The following MYT1L variants were observed in gnomAD, a reference collection of about 807,000 sequenced individuals.
The protein encoded by MYT1L is myelin transcription factor 1 like, also known as myelin transcription factor 1-like protein.
Under a neutral mutation model 126.7 loss-of-function variants are expected in MYT1L, and 12 were observed. That is an observed-to-expected ratio of 0.09 (90% CI 0.06 to 0.15). The LOEUF is 0.15. Ranked by LOEUF, MYT1L falls within the 10% of genes least tolerant of loss-of-function variation. The pLI is 1.00. For synonymous variants in MYT1L, 541 were observed against 604.2 expected, an observed-to-expected ratio of 0.90 and a Z score of 1.53; for missense variants, 979 against 1,585.2, an observed-to-expected ratio of 0.62 and a Z score of 6.49.
chr2:1,859,700 G>A (rs772555448), intron 18 of MYT1L, among the ~76,000 whole-genome samples: 25 of 152,234 alleles, frequency 1.6e-4, no homozygotes, highest in Non-Finnish European at 8.8e-5. Context: ...GATTTACACC[G>A]TGGCTTGCGG....
At chr2:2,010,672 CA>C (rs1421978113) in intron 4 of MYT1L, among the ~76,000 whole-genome samples, 1 of 152,184 alleles carries the variant, frequency 6.6e-6, no homozygotes, top group Non-Finnish European at 1.5e-5. Flanking sequence ...ATCTTCTATG[CA>C]ATGGCTTTGT....
At chr2:2,169,918 G>C (rs2089764329) in intron 3 of MYT1L, among the ~76,000 whole-genome samples, 1 of 152,166 alleles carries the variant, frequency 6.6e-6, no homozygotes, top group Admixed American at 6.5e-5. Context: ...CAGTTTTCAG[G>C]ATGATATTTC....
intron 22 of MYT1L, among the ~76,000 whole-genome samples, chr2:1,803,564 C>A (rs910097465): frequency 1.3e-5 from 2 of 152,226 alleles, no homozygotes; most frequent in Non-Finnish European, 2.9e-5. Context: ...AAATAAAAGT[C>A]TTGATACGGG....
chr2:2,056,882 G>A (rs72767357), intron 3 of MYT1L, among the ~76,000 whole-genome samples: 6,378 of 152,306 alleles, frequency 0.042, 203 homozygotes, highest in Non-Finnish European at 0.065. Flanking sequence ...AAATGAGAAT[G>A]AGTGGGTTTT....
At chr2:1,831,131 G>C (rs1029098610) in intron 21 of MYT1L, among the ~76,000 whole-genome samples, 1 of 148,316 alleles carries the variant, frequency 6.7e-6, no homozygotes, top group African/African-American at 2.5e-5. Flanking sequence ...AACCCCACTC[G>C]GGTGCCCGAC....
chr2:1,820,872 T>C (rs1558652984), intron 21 of MYT1L, among the ~76,000 whole-genome samples: 1 of 152,100 alleles, frequency 6.6e-6, no homozygotes, highest in Non-Finnish European at 1.5e-5. Context: ...AAGGAGATTA[T>C]TCTCAATACT....
chr2:2,312,590 G>T (rs1367222513), intron 1 of MYT1L, among the ~76,000 whole-genome samples: 1 of 152,084 alleles, frequency 6.6e-6, no homozygotes, highest in Admixed American at 6.6e-5. Context: ...TCCAGCCTGG[G>T]TGACAGAGTG....
chr2:2,280,270 C>T (rs2095429137), intron 2 of MYT1L, among the ~76,000 whole-genome samples: 1 of 152,176 alleles, frequency 6.6e-6, no homozygotes, highest in African/African-American at 2.4e-5. Context: ...ACTAGTTAGG[C>T]ATTGCATACA....
At position 1,929,380 on chromosome 2, in the gene MYT1L, G is replaced by A. The variant is rs145071256; in HGVS notation, c.506-6117C>T. Among the ~76,000 whole-genome samples, 198 of 152,214 alleles carry A rather than the reference G, an allele frequency of 1.3e-3. No individual in the cohort carries two copies. Among genetic ancestry groups the A allele is most frequent in the East Asian group, 6.2e-3 (32 of 5,148 alleles). ...CCCTTCACTAGAAGACCCCTGAGGC[G>A]CCCTCTAACTCAGAGCCCTGCAGTT... On this transcript the variant is annotated intron_variant, in intron 9 of 24. Transcript: ENST00000647738. The surrounding 1 kb of genome is among the most constrained non-coding windows in gnomAD (Gnocchi z 4.7).
At chr2:1,907,676 C>G (rs988091128) in intron 13 of MYT1L, among the ~76,000 whole-genome samples, 7 of 152,250 alleles carry the variant, frequency 4.6e-5, no homozygotes, top group Non-Finnish European at 5.9e-5. Context: ...GTCTCAGGCT[C>G]TTGTTCATTG....
In MYT1L at chr2:2,224,603, A is replaced by G. The variant is rs1387392775; in HGVS notation, c.-420-51615T>C. Among the ~76,000 whole-genome samples, 1 of 152,084 alleles carries G rather than the reference A, an allele frequency of 6.6e-6. No homozygotes were observed. Among genetic ancestry groups the G allele is most frequent in the African/African-American group, 2.4e-5 (1 of 41,404 alleles). ...GGGAGGTCAAGACGGGCGGATCACG[A>G]GGTCAAGAGATTGAGACCATCCTGG... On this transcript the variant is annotated intron_variant, in intron 2 of 24. Transcript: ENST00000647738. The surrounding 1 kb of genome is among the most constrained non-coding windows in gnomAD (Gnocchi z 4.0).
chr2:2,199,332 C>G (rs775819226), intron 2 of MYT1L, among the ~76,000 whole-genome samples: 4 of 152,144 alleles, frequency 2.6e-5, no homozygotes, highest in Admixed American at 2.6e-4. Flanking sequence ...AAAAATTGTG[C>G]GGGACAGACT....
intron 3 of MYT1L, among the ~76,000 whole-genome samples, chr2:2,140,716 A>C (rs913736760): frequency 1.2e-4 from 18 of 151,914 alleles, no homozygotes; most frequent in Non-Finnish European, 2.6e-4. Context: ...TACAGGCGTG[A>C]GACACCACGC....
Position 1,910,593 on chromosome 2 carries a change from C to T in MYT1L, c.1710-246G>A, listed in dbSNP as rs2051823914. 6.6e-6 allele frequency among the ~76,000 whole-genome samples: 1 copy of T among 152,162 alleles called. No homozygotes were observed. On this transcript the variant is annotated intron_variant, in intron 12 of 24. Coordinates refer to ENST00000647738, the MANE Select transcript of MYT1L (RefSeq NM_001303052.2). This position sits in a 1 kb window ranked among gnomAD's most constrained non-coding sequence, Gnocchi z 4.8. ...GGCAGTGCTATGTGTGAGGTGTATT[C>T]AATCCTTCCCAATGAGAGCATCCCA...
rs1419942569 is a variant in MYT1L at position 2,092,505 on chromosome 2, GAC to G, written c.-303-38384_-303-38383del. 3.9e-5 allele frequency among the ~76,000 whole-genome samples: 6 copies of G among 152,326 alleles called. No homozygotes were observed. In the East Asian group the frequency reaches 9.6e-4, roughly 24 times the overall value. Reference sequence around the variant, plus strand: ...AATATTGTAAGAATTTCCAAAATGTGACACAGATACTGCATGAGCAAGTGCTG... The same window carrying G: ...AATATTGTAAGAATTTCCAAAATGTGACAGATACTGCATGAGCAAGTGCTG... On this transcript the variant is annotated intron_variant, in intron 3 of 24. Transcript: ENST00000647738.
chr2:2,183,135 G>C lies in MYT1L; in HGVS notation c.-420-10147C>G, dbSNP rs375933813. Among the ~76,000 whole-genome samples, 8 of 152,282 alleles carry C rather than the reference G, an allele frequency of 5.3e-5. No individual in the cohort carries two copies. The East Asian group carries it at 1.5e-3, about 29-fold the overall frequency. On this transcript the variant is annotated intron_variant, in intron 2 of 24. Transcript: ENST00000647738. Reference sequence around the variant, plus strand: ...AAAGCATGGAGCAGTTGGAGGGAAGGGTGTGTTTGGATGGTAAGTCCTGGG... The same window carrying C: ...AAAGCATGGAGCAGTTGGAGGGAAGCGTGTGTTTGGATGGTAAGTCCTGGG...
intron 4 of MYT1L, among the ~76,000 whole-genome samples, chr2:2,037,850 C>T (rs565873860): frequency 6.6e-6 from 1 of 151,768 alleles, no homozygotes; most frequent in African/African-American, 2.4e-5. Flanking sequence ...TTCAAAACTA[C>T]AGTTTTTCAA....
In MYT1L at chr2:1,852,904, C is replaced by T. The variant is rs753002240; in HGVS notation, c.2712-1201G>A. ...AATTTGCTTTCCACTCAGAAAGTCA[C>T]TATGGATAGGGTACTGGGGGCTGAG... is the stretch of plus-strand genomic sequence containing the variant. On this transcript the variant is annotated intron_variant, in intron 18 of 24. Coordinates refer to ENST00000647738, the MANE Select transcript of MYT1L (RefSeq NM_001303052.2). The surrounding 1 kb of genome is among the most constrained non-coding windows in gnomAD (Gnocchi z 4.0). Among the ~76,000 whole-genome samples the T allele has an allele frequency of 4.3e-4, 66 of 152,320 alleles. No individual in the cohort carries two copies. The highest frequency in any genetic ancestry group is 3.4e-3 in the Middle Eastern group (1 of 294).
At chr2:2,017,784 T>A (rs900736741) in intron 4 of MYT1L, among the ~76,000 whole-genome samples, 1 of 152,150 alleles carries the variant, frequency 6.6e-6, no homozygotes, top group African/African-American at 2.4e-5. Flanking sequence ...ACAGAAGGGA[T>A]GCTATGTGTT....
Sources: gnomAD v4.1 joint callset for allele counts (sites outside exome capture counted in the v4.1 genomes callset) on GRCh38, gnomAD v4.1.1 for gene constraint, Gnocchi (gnomAD v3.1) non-coding constraint, MANE v1.5 for transcripts, NCBI Gene and HGNC (gene_info 2026-07-23, HGNC 2026-07-21) for gene names.